GK3: variants seen among roughly 807,000 people sequenced by gnomAD.
GK3 encodes the protein glycerol kinase 3 pseudogene.
chr4:165,279,290 G>A, the GK3 span: 12 of 1,541,912 alleles, frequency 7.8e-6, no homozygotes, highest in South Asian at 1.1e-5. Flanking sequence ...GGTAGACTGT[G>A]TTCTTAGATC....
chr4:165,278,715 C>T, the GK3 span: 1 of 1,602,240 alleles, frequency 6.2e-7, no homozygotes, highest in East Asian at 2.2e-5. Flanking sequence ...ACCGGTTTGT[C>T]TCTGCCAAGT....
chr4:165,278,233 T>C, the GK3 span: 2 of 1,152,946 alleles, frequency 1.7e-6, no homozygotes, highest in Non-Finnish European at 2.6e-6. Context: ...CAAGACTCCA[T>C]ACGTCGACTC....
chr4:165,279,483 G>C, the GK3 span: 3 of 1,585,498 alleles, frequency 1.9e-6, no homozygotes, highest in Non-Finnish European at 2.6e-6. Flanking sequence ...TTAGGGTCCT[G>C]TTCCACCCAT....
the GK3 span, chr4:165,278,872 C>T: frequency 6.0e-6 from 9 of 1,498,340 alleles, no homozygotes; most frequent in Non-Finnish European, 8.4e-6. Context: ...CAGACTGGTC[C>T]CCTAAACACC....
the GK3 span, chr4:165,278,095 T>C: frequency 9.6e-6 from 15 of 1,563,178 alleles, no homozygotes; most frequent in African/African-American, 2.7e-5. Context: ...CTTCTGGAGA[T>C]TGAGTTGTAA....
At chr4:165,278,773 A>G in the GK3 span, 1 of 1,553,808 alleles carries the variant, frequency 6.4e-7, no homozygotes, top group African/African-American at 1.4e-5. Context: ...ATACACACTT[A>G]TGGCCTGTAT....
At chr4:165,279,300 C>G in the GK3 span, 4 of 1,546,038 alleles carry the variant, frequency 2.6e-6, no homozygotes, top group Middle Eastern at 5.3e-4. Context: ...GTTCTTAGAT[C>G]AAGCCACACC....
the GK3 span, chr4:165,278,873 C>T: frequency 2.7e-6 from 4 of 1,502,394 alleles, no homozygotes; most frequent in African/African-American, 1.4e-5. Context: ...AGACTGGTCC[C>T]CTAAACACCC....
the GK3 span, chr4:165,278,141 G>T: frequency 2.0e-6 from 3 of 1,521,240 alleles, no homozygotes; most frequent in East Asian, 4.5e-5. Flanking sequence ...TTTCTTCCAT[G>T]TAGAATAACG....
At chr4:165,279,667 C>T in the GK3 span, 10 of 1,605,824 alleles carry the variant, frequency 6.2e-6, no homozygotes, top group South Asian at 2.2e-5. Flanking sequence ...CAGGTCCGCC[C>T]GCGTTTGCGG....
chr4:165,279,669 C>T, the GK3 span: 3 of 1,600,346 alleles, frequency 1.9e-6, no homozygotes, highest in Non-Finnish European at 2.6e-6. Flanking sequence ...GGTCCGCCCG[C>T]GTTTGCGGCC....
At chr4:165,279,568 C>A in the GK3 span, 1 of 1,598,574 alleles carries the variant, frequency 6.3e-7, no homozygotes, top group South Asian at 1.1e-5. Context: ...AATTGAAAAC[C>A]AAAAAGCGCG....
the GK3 span, chr4:165,279,051 C>T: frequency 1.1e-5 from 16 of 1,512,242 alleles, no homozygotes; most frequent in East Asian, 3.4e-4. Context: ...GCATTTGTTA[C>T]ATCTGTACAG....
the GK3 span, chr4:165,278,786 C>T: frequency 6.5e-7 from 1 of 1,547,148 alleles, no homozygotes; most frequent in Non-Finnish European, 8.9e-7. Flanking sequence ...GCCTGTATTA[C>T]ATAGTAAGAA....
chr4:165,279,383 A>T, the GK3 span: 3 of 1,586,482 alleles, frequency 1.9e-6, no homozygotes, highest in Non-Finnish European at 2.6e-6. Context: ...GCTGACACCA[A>T]TAGCTTTTAT....
chr4:165,278,198 G>C, the GK3 span: 3 of 1,252,792 alleles, frequency 2.4e-6, no homozygotes, highest in Non-Finnish European at 2.4e-6. Flanking sequence ...CCGCTCCATC[G>C]TGACGGCGGA....
the GK3 span, chr4:165,278,864 G>C: frequency 6.6e-7 from 1 of 1,513,646 alleles, no homozygotes; most frequent in Non-Finnish European, 9.2e-7. Flanking sequence ...CAGTGCAGCA[G>C]ACTGGTCCCC....
the GK3 span, chr4:165,278,964 C>A: frequency 2.7e-6 from 4 of 1,495,626 alleles, no homozygotes; most frequent in Non-Finnish European, 3.7e-6. Flanking sequence ...GGAAGAATTT[C>A]CATTGGAATT....
the GK3 span, chr4:165,278,876 A>T: frequency 6.7e-7 from 1 of 1,496,972 alleles, no homozygotes; most frequent in Non-Finnish European, 9.3e-7. Flanking sequence ...CTGGTCCCCT[A>T]AACACCCAGA....
Sources: allele counts gnomAD v4.1 joint callset, GRCh38; gene constraint gnomAD v4.1.1; transcripts MANE v1.5; gene names NCBI Gene and HGNC (gene_info 2026-07-23, HGNC 2026-07-21).